The following KBTBD2 variants were observed in gnomAD, a reference collection of about 807,000 sequenced individuals.
KBTBD2 encodes kelch repeat and BTB domain containing 2, also known as kelch repeat and BTB domain-containing protein 2.
Under a neutral mutation model 57.1 loss-of-function variants are expected in KBTBD2, and 17 were observed. That is an observed-to-expected ratio of 0.30 (90% confidence interval 0.20 to 0.45). The LOEUF is 0.45. Ranked by LOEUF, KBTBD2 falls within the 20% of genes least tolerant of loss-of-function variation. KBTBD2 has a pLI of 1.00. For synonymous variants in KBTBD2, 267 were observed against 262.7 expected, an observed-to-expected ratio of 1.02 and a Z score of -0.16; for missense variants, 515 against 750.6, an observed-to-expected ratio of 0.69 and a Z score of 3.67.
At position 32,869,601 on chromosome 7, in the gene KBTBD2, C is replaced by T. The variant is rs1253561323; in HGVS notation, c.1616G>A (p.Arg539Gln). Residue 539 changes from arginine (R) to glutamine (Q), a missense_variant, in exon 4 of 4, where the codon CGA (arginine) becomes CAA (glutamine). By Grantham distance (43) the Arg-to-Gln change is conservative (BLOSUM62 1). Coordinates refer to ENST00000304056, the MANE Select transcript of KBTBD2 (RefSeq NM_015483.3). ...VISNSLCVFM[R>Q]ETHLNERAKY... ...AGCTCGCTCATTTAAGTGGGTTTCT[C>T]GCATAAACACACATAGAGAATTTGA... is the stretch of plus-strand genomic sequence containing the variant. The T allele has an allele frequency of 1.2e-5, 20 of 1,613,990 alleles. No homozygotes were observed. Among genetic ancestry groups the T allele is most frequent in the Non-Finnish European group, 1.6e-5 (19 of 1,180,012 alleles).
chr7:32,869,570 G>A lies in KBTBD2; in HGVS notation c.1647C>T (p.Tyr549=), dbSNP rs752730. Residue 549 remains tyrosine (Y), a synonymous_variant, in exon 4 of 4, where the codon TAC becomes TAT. Transcript: ENST00000304056. ...GTTCCAGGTCATATTGGTAGGTGAC[G>A]TATTTAGCTCGCTCATTTAAGTGGG... ...RETHLNERAK[Y]VTYQYDLELD... is the part of the protein sequence containing the mutation. 0.22 allele frequency: 353,900 copies of A among 1,613,890 alleles called. 43,027 individuals carry two copies. Among genetic ancestry groups the A allele is most frequent in the Admixed American group, 0.5 (29,918 of 59,988 alleles).
Position 32,869,178 on chromosome 7 carries a change from T to C in KBTBD2, c.*167A>G, listed in dbSNP as rs889349311. ...ATGGAAGCATATCTTTCTGTAAGAC[T>C]CACTGATATATATTATACTGATGCA... On this transcript the variant is annotated 3_prime_UTR_variant, in exon 4 of 4. Coordinates refer to ENST00000304056, the MANE Select transcript of KBTBD2 (RefSeq NM_015483.3). 5.5e-6 allele frequency: 3 copies of C among 545,884 alleles called. No individual in the cohort carries two copies. The African/African-American group carries it at 5.7e-5, about 10-fold the overall frequency. The allele number at this position is 545,884 out of a possible 1,614,324, so 33.8% of individuals were successfully genotyped here. A position where few individuals can be genotyped will look rare whatever the true frequency, so the allele number is the denominator to read the frequency against.
intron 2 of KBTBD2, among the ~76,000 whole-genome samples, chr7:32,876,465 T>C (rs560089598): frequency 6.6e-6 from 1 of 152,216 alleles, no homozygotes; most frequent in African/African-American, 2.4e-5. Flanking sequence ...CTTTTCCTTG[T>C]AGATAGTGGG....
intron 1 of KBTBD2, among the ~76,000 whole-genome samples, chr7:32,885,682 C>T (rs181318399): frequency 6.6e-6 from 1 of 152,064 alleles, no homozygotes; most frequent in African/African-American, 2.4e-5. Flanking sequence ...AAATGCTAAC[C>T]AGCATAAGAA....
In KBTBD2 at chr7:32,891,611, C is replaced by G. The variant is rs909106481; in HGVS notation, c.-414G>C. ...TCCACACTGGGCCCCTCCGGCGCGG[C>G]GGCGGGGGCGTGGCCCTCCCGCCGC... On this transcript the variant is annotated 5_prime_UTR_variant, in exon 1 of 4. Coordinates refer to ENST00000304056, the MANE Select transcript of KBTBD2 (RefSeq NM_015483.3). 6.7e-6 allele frequency: 1 copy of G among 149,192 alleles called. No individual in the cohort carries two copies. The highest frequency in any genetic ancestry group is 6.6e-5 in the Admixed American group (1 of 15,100). The allele number at this position is 149,192 out of a possible 1,614,324, so 9.2% of individuals were successfully genotyped here.
intron 1 of KBTBD2, among the ~76,000 whole-genome samples, chr7:32,888,590 GC>G (rs1309234500): frequency 6.6e-6 from 1 of 150,986 alleles, no homozygotes; most frequent in East Asian, 1.9e-4. Context: ...CAAACACCTG[GC>G]CTTTTGAAGA....
At chr7:32,874,903 G>C (rs1477496942) in intron 3 of KBTBD2, 89 bp downstream of exon 3, 2 of 1,028,758 alleles carry the variant, frequency 1.9e-6, no homozygotes, top group African/African-American at 3.2e-5. Context: ...CCTGGGAGGC[G>C]GAGGTTGCAG....
Position 32,875,153 on chromosome 7 carries a change from T to C in KBTBD2, c.175A>G (p.Met59Val). ...LATCSSYFRA[M>V]FMSGLSESKQ... The stretch of plus-strand genomic sequence containing the variant: ...CTTTCACTTAGTCCACTCATAAACA[T>C]GGCCCTACAGGGGAGATGAAGAAAA... The change falls in exon 3 of 4, where the codon ATG becomes GTG. Residue 59 changes from methionine to valine, a missense_variant. Coordinates refer to ENST00000304056, the MANE Select transcript of KBTBD2 (RefSeq NM_015483.3). 6.2e-7 allele frequency: 1 copy of C among 1,613,986 alleles called. No homozygotes were observed. Among genetic ancestry groups the C allele is most frequent in the Non-Finnish European group, 8.5e-7 (1 of 1,179,906 alleles).
At chr7:32,878,549 C>T (rs1784372154) in intron 2 of KBTBD2, among the ~76,000 whole-genome samples, 1 of 149,944 alleles carries the variant, frequency 6.7e-6, no homozygotes, top group Non-Finnish European at 1.5e-5. Flanking sequence ...CACTGCACTG[C>T]ACTCCAGCCT....
chr7:32,887,747 T>C (rs1048615903), intron 1 of KBTBD2, among the ~76,000 whole-genome samples: 9 of 152,222 alleles, frequency 5.9e-5, no homozygotes, highest in African/African-American at 1.2e-4. Flanking sequence ...TGAAAAATAA[T>C]TGAGTACAAA....
At chr7:32,875,726 G>T (rs1784296891) in intron 2 of KBTBD2, among the ~76,000 whole-genome samples, 1 of 152,026 alleles carries the variant, frequency 6.6e-6, no homozygotes, top group South Asian at 2.1e-4. Flanking sequence ...AAGGAACTAA[G>T]TATTAATATA....
intron 1 of KBTBD2, among the ~76,000 whole-genome samples, chr7:32,882,070 AT>A (rs11297643): frequency 0.27 from 40,932 of 148,940 alleles, 6,070 homozygotes; most frequent in African/African-American, 0.39. Context: ...ACTAGCAAAG[AT>A]TTTTTTTTTT....
At chr7:32,876,723 A>C (rs1562533620) in intron 2 of KBTBD2, among the ~76,000 whole-genome samples, 1 of 152,132 alleles carries the variant, frequency 6.6e-6, no homozygotes, top group East Asian at 1.9e-4. Context: ...TGGGAGGCCG[A>C]GGTGGGCAGA....
chr7:32,876,177 TATAGGTAAG>T (rs1392364233), intron 2 of KBTBD2, among the ~76,000 whole-genome samples: 1 of 152,120 alleles, frequency 6.6e-6, no homozygotes, highest in African/African-American at 2.4e-5. Flanking sequence ...AATGCCCATA[TATAGGTAAG>T]AGAGGAAAAT....
chr7:32,890,497 G>C (rs141508327), intron 1 of KBTBD2, among the ~76,000 whole-genome samples: 17 of 152,306 alleles, frequency 1.1e-4, no homozygotes, highest in African/African-American at 3.9e-4. Flanking sequence ...GTACAACTCA[G>C]AGGGAAGAGG....
At chr7:32,888,714 T>A (rs933855501) in intron 1 of KBTBD2, among the ~76,000 whole-genome samples, 21 of 145,448 alleles carry the variant, frequency 1.4e-4, no homozygotes, top group Non-Finnish European at 2.3e-4. Context: ...AAAAAAAAAA[T>A]TTCAGCATAG....
At chr7:32,881,920 T>C (rs751493830) in intron 1 of KBTBD2, among the ~76,000 whole-genome samples, 2 of 152,222 alleles carry the variant, frequency 1.3e-5, no homozygotes, top group Non-Finnish European at 2.9e-5. Context: ...TTGTGACACA[T>C]GTACCCTACA....
At chr7:32,870,979 G>T in intron 3 of KBTBD2, 99 bp from the exon 4 acceptor site, 1 of 675,510 alleles carries the variant, frequency 1.5e-6, no homozygotes, top group Non-Finnish European at 2.4e-6. Flanking sequence ...TGCCCATAGT[G>T]TAATTTTTAT....
chr7:32,872,558 G>A (rs1784207902), intron 3 of KBTBD2, among the ~76,000 whole-genome samples: 1 of 152,076 alleles, frequency 6.6e-6, no homozygotes, highest in Non-Finnish European at 1.5e-5. Flanking sequence ...CATGTCTACA[G>A]ACCCAGCTAC....
Sources: gnomAD v4.1 joint callset for allele counts (sites outside exome capture counted in the v4.1 genomes callset) on GRCh38, gnomAD v4.1.1 for gene constraint, MANE v1.5 for transcripts, NCBI Gene and HGNC (gene_info 2026-07-23, HGNC 2026-07-21) for gene names.